Variants in TMEM132D observed in about 807,000 individuals in gnomAD.
The protein encoded by TMEM132D is transmembrane protein 132D, also known as mature OL transmembrane protein.
A neutral mutation model predicts 62.3 loss-of-function variants in TMEM132D; 21 were observed. The observed-to-expected ratio is 0.34, with a 90% CI of 0.24 to 0.49. TMEM132D has a LOEUF of 0.49. Among genes scored for constraint, TMEM132D ranks in the 20% least tolerant of loss-of-function variants. TMEM132D has a pLI of 0.99. For synonymous variants in TMEM132D, 621 were observed against 575.6 expected, an observed-to-expected ratio of 1.08 and a Z score of -1.13; for missense variants, 1,346 against 1,402.8, an observed-to-expected ratio of 0.96 and a Z score of 0.65.
At chr12:129,746,992 G>A (rs1343846066) in intron 1 of TMEM132D, among the ~76,000 whole-genome samples, 1 of 152,054 alleles carries the variant, frequency 6.6e-6, no homozygotes, top group Non-Finnish European at 1.5e-5. Context: ...CTCTCATCTG[G>A]GTGCCTTGCT....
intron 2 of TMEM132D, among the ~76,000 whole-genome samples, chr12:129,657,682 GC>G (rs1880126678): frequency 6.6e-6 from 1 of 152,216 alleles, no homozygotes; most frequent in South Asian, 2.1e-4. Context: ...CATTTGAAAA[GC>G]ACTTGGCAAC....
chr12:129,590,979 C>T (rs1022850261), intron 2 of TMEM132D, among the ~76,000 whole-genome samples: 4 of 152,152 alleles, frequency 2.6e-5, no homozygotes, highest in African/African-American at 9.7e-5. Context: ...AGTGGTCACG[C>T]TGACCATGTG....
chr12:129,678,370 G>T (rs1451730137), intron 2 of TMEM132D, among the ~76,000 whole-genome samples: 1 of 152,046 alleles, frequency 6.6e-6, no homozygotes, highest in African/African-American at 2.4e-5. Context: ...GAAGCATTAT[G>T]GTTTCAATTT....
In TMEM132D at chr12:129,084,592, C is replaced by T. The variant is rs372786001; in HGVS notation, c.1554G>A (p.Thr518=). 102 of 1,614,008 alleles carry T rather than the reference C, an allele frequency of 6.3e-5. No individual in the cohort carries two copies. Among genetic ancestry groups the T allele is most frequent in the South Asian group, 3.2e-4 (29 of 91,082 alleles). ...GCAGCGGAAGCCGGGGCACCCACAC[C>T]GTCATCTCCAGGGGGCTGCTCAGGT... ...YQHLSSPLEM[T]VWVPRLPLQI... The change falls in exon 6 of 9, where the codon ACG becomes ACA. Residue 518 remains threonine, a synonymous_variant. Transcript: ENST00000422113.
At chr12:129,714,244 C>T (rs1378414152) in intron 1 of TMEM132D, among the ~76,000 whole-genome samples, 1 of 152,242 alleles carries the variant, frequency 6.6e-6, no homozygotes, top group Non-Finnish European at 1.5e-5. Context: ...AGCAGCACTC[C>T]ATGACCACTG....
intron 3 of TMEM132D, chr12:129,521,464 T>C (rs1211433912): frequency 6.6e-6 from 1 of 152,118 alleles, no homozygotes; most frequent in Non-Finnish European, 1.5e-5. Flanking sequence ...AGAGTTCCTT[T>C]TAGAAAAAGC....
chr12:129,094,040 T>C (rs2135630364), intron 5 of TMEM132D, among the ~76,000 whole-genome samples: 1 of 152,140 alleles, frequency 6.6e-6, no homozygotes, highest in Admixed American at 6.5e-5. Flanking sequence ...TCAAGATGGA[T>C]TAAAGACTTA....
chr12:129,550,963 T>C (rs887240387), intron 2 of TMEM132D, among the ~76,000 whole-genome samples: 1 of 152,196 alleles, frequency 6.6e-6, no homozygotes, highest in Non-Finnish European at 1.5e-5. Context: ...CCTCTTGTGA[T>C]ACTTGGAGCT....
At chr12:129,479,026 G>A (rs186921860) in intron 3 of TMEM132D, among the ~76,000 whole-genome samples, 11 of 152,280 alleles carry the variant, frequency 7.2e-5, no homozygotes, top group Admixed American at 6.5e-5. Context: ...TACGTTCTGC[G>A]TGGACTTCTA....
chr12:129,442,622 GTCATCT>G (rs61256503), intron 3 of TMEM132D, among the ~76,000 whole-genome samples: 60,600 of 151,506 alleles, frequency 0.4, 14,017 homozygotes, highest in East Asian at 0.78. Context: ...GACCAGCATG[GTCATCT>G]AGTGGGATGT....
intron 3 of TMEM132D, among the ~76,000 whole-genome samples, chr12:129,362,481 A>G (rs1870280163): frequency 6.8e-6 from 1 of 147,414 alleles, no homozygotes; most frequent in East Asian, 2.0e-4. Context: ...ACAGACAAAT[A>G]TAGAAACAAA....
chr12:129,082,163 C>G (rs1031978377), intron 6 of TMEM132D, 131 bp from the exon 7 acceptor site: 8 of 1,132,696 alleles, frequency 7.1e-6, no homozygotes, highest in Admixed American at 2.6e-5. Context: ...GCCAGACATG[C>G]AGAGGTGAAC....
At chr12:129,559,681 AGT>A (rs1877160531) in intron 2 of TMEM132D, among the ~76,000 whole-genome samples, 1 of 152,192 alleles carries the variant, frequency 6.6e-6, no homozygotes, top group African/African-American at 2.4e-5. Context: ...CTGAATCAGA[AGT>A]GTTTATTAAA....
intron 4 of TMEM132D, among the ~76,000 whole-genome samples, chr12:129,264,867 A>G (rs1336397944): frequency 3.9e-5 from 6 of 152,214 alleles, no homozygotes; most frequent in African/African-American, 1.4e-4. Context: ...CTAAGCTATA[A>G]GGACACAAAG....
chr12:129,554,060 C>G (rs1161363935), intron 2 of TMEM132D, among the ~76,000 whole-genome samples: 2 of 152,178 alleles, frequency 1.3e-5, no homozygotes, highest in East Asian at 1.9e-4. Flanking sequence ...TTCTCCTCAA[C>G]TAGGTATATG....
chr12:129,883,835 C>T (rs1385028988), intron 1 of TMEM132D, among the ~76,000 whole-genome samples: 1 of 152,154 alleles, frequency 6.6e-6, no homozygotes, highest in African/African-American at 2.4e-5. Context: ...CAACTGGATA[C>T]TCAAATGCAA....
chr12:129,799,570 C>T lies in TMEM132D; in HGVS notation c.80-98872G>A, dbSNP rs117107748. On this transcript the variant is annotated intron_variant, in intron 1 of 8. Coordinates refer to ENST00000422113, the MANE Select transcript of TMEM132D (RefSeq NM_133448.3). ...TCCTCGTCTCCACCGAGCATGTGAC[C>T]CATAGTGAGGCACAGATGGTGTTTT... Among the ~76,000 whole-genome samples the T allele has an allele frequency of 8.2e-3, 1,247 of 152,100 alleles. 59 individuals carry two copies. In the South Asian group the frequency reaches 0.097, roughly 12 times the overall value.
Position 129,717,703 on chromosome 12 carries a change from T to C in TMEM132D, c.80-17005A>G, listed in dbSNP as rs11060506. On this transcript the variant is annotated intron_variant, in intron 1 of 8. Transcript: ENST00000422113. ...TTAATATTTTATTAAATTAAAATAA[T>C]AAAATAGTTAACATATTTAATAAAA... Among the ~76,000 whole-genome samples the C allele has an allele frequency of 1.1e-4, 16 of 150,642 alleles. No homozygotes were observed. In the East Asian group the frequency reaches 3.1e-3, roughly 29 times the overall value.
intron 2 of TMEM132D, among the ~76,000 whole-genome samples, chr12:129,621,261 C>A (rs944539818): frequency 3.3e-5 from 5 of 152,172 alleles, no homozygotes; most frequent in African/African-American, 1.2e-4. Flanking sequence ...TTGTCCCTCT[C>A]TCCCTTCCAG....
Sources: allele counts gnomAD v4.1 joint callset (sites outside exome capture counted in the v4.1 genomes callset), GRCh38; gene constraint gnomAD v4.1.1; transcripts MANE v1.5; gene names NCBI Gene and HGNC (gene_info 2026-07-23, HGNC 2026-07-21).